Variants in AKR1C4 observed in about 807,000 individuals in gnomAD.
The protein encoded by AKR1C4 is aldo-keto reductase family 1 member C4, also known as 3-alpha-HSD1.
A neutral mutation model predicts 41.0 loss-of-function variants in AKR1C4; 44 were observed. That is an observed-to-expected ratio of 1.07 (90% CI 0.84 to 1.38). AKR1C4 has a LOEUF of 1.38. AKR1C4 is among the 40% of genes most tolerant of loss of function. AKR1C4 has a pLI of 0.00. For missense variants in AKR1C4, 438 were observed against 387.9 expected (o/e 1.13, Z -1.09); for synonymous variants, 165 against 137.7 (o/e 1.20, Z -1.39).
chr10:5,206,192 G>A (rs894961386), intron 4 of AKR1C4, 83 bp from the exon 5 acceptor site: 2 of 1,591,244 alleles, frequency 1.3e-6, no homozygotes, highest in Admixed American at 1.7e-5. Context: ...CTTAACAGTT[G>A]TTGCTTTAAC....
At chr10:5,213,267 C>G (rs1554798149) in intron 7 of AKR1C4, 108 bp downstream of exon 7, 4 of 1,498,482 alleles carry the variant, frequency 2.7e-6, no homozygotes, top group Non-Finnish European at 3.6e-6. Context: ...CTGGGCATTT[C>G]CTATGCACAA....
At chr10:5,218,227 A>G (rs984109549) in intron 8 of AKR1C4, among the ~76,000 whole-genome samples, 8 of 152,246 alleles carry the variant, frequency 5.3e-5, no homozygotes, top group Admixed American at 6.5e-5. Context: ...ACATGTCTGA[A>G]TCAAAGAAAA....
intron 2 of AKR1C4, among the ~76,000 whole-genome samples, chr10:5,202,112 G>T (rs1554796968): frequency 6.6e-6 from 1 of 151,808 alleles, no homozygotes; most frequent in East Asian, 1.9e-4. Context: ...ATATGAATTT[G>T]GAATATGGCC....
chr10:5,218,779 A>G lies in AKR1C4; in HGVS notation c.*19A>G. On this transcript the variant is annotated 3_prime_UTR_variant, in exon 9 of 9. Transcript: ENST00000263126. ...ATATTAGCATAGAGGGTGTTGCACGACATCTAGCAGAAGGCCCTGTGTGTG... is the reference window on the plus strand; with the variant it reads ...ATATTAGCATAGAGGGTGTTGCACGGCATCTAGCAGAAGGCCCTGTGTGTG... 1 of 1,598,886 alleles carries G rather than the reference A, an allele frequency of 6.3e-7. No homozygotes were observed. Among genetic ancestry groups the G allele is most frequent in the African/African-American group, 1.3e-5 (1 of 74,692 alleles).
intron 8 of AKR1C4, among the ~76,000 whole-genome samples, chr10:5,217,904 TTA>T (rs2132143811): frequency 6.6e-6 from 1 of 152,338 alleles, no homozygotes; most frequent in South Asian, 2.1e-4. Context: ...GCAAAACAAG[TTA>T]TGTCACTGCC....
intron 5 of AKR1C4, among the ~76,000 whole-genome samples, chr10:5,209,728 A>T (rs782098229): frequency 4.6e-5 from 7 of 152,192 alleles, no homozygotes; most frequent in Non-Finnish European, 1.0e-4. Context: ...AGACTTATTC[A>T]CTATCTCAAG....
At chr10:5,197,013 G>A in intron 1 of AKR1C4, 62 bp downstream of exon 1, 1 of 1,526,818 alleles carries the variant, frequency 6.5e-7, no homozygotes, top group Non-Finnish European at 9.1e-7. Flanking sequence ...AGTGAACGAT[G>A]ACCTGGGTTG....
rs1564401937 is a variant in AKR1C4 at position 5,205,897 on chromosome 10, C to A, written c.447+63C>A. 6.8e-6 allele frequency: 10 copies of A among 1,464,976 alleles called. No individual in the cohort carries two copies. The East Asian group carries it at 1.6e-4, about 24-fold the overall frequency. 90.7% of individuals were successfully genotyped at this position (1,464,976 alleles called of 1,614,324 possible). ...AAGAAGAGGTAAACCTGTTCCCCAGCTTTCATATGCAACATTGGAATATGC... is the reference window on the plus strand; with the variant it reads ...AAGAAGAGGTAAACCTGTTCCCCAGATTTCATATGCAACATTGGAATATGC... On this transcript the variant is annotated intron_variant, in intron 4 of 8. Coordinates refer to ENST00000263126, the MANE Select transcript of AKR1C4 (RefSeq NM_001818.5).
intron 2 of AKR1C4, among the ~76,000 whole-genome samples, chr10:5,202,952 T>C (rs1832424421): frequency 1.0e-5 from 1 of 96,576 alleles, no homozygotes; most frequent in Non-Finnish European, 2.4e-5. Context: ...TGTGTGTGTG[T>C]GTGTGTGTGT....
intron 5 of AKR1C4, among the ~76,000 whole-genome samples, chr10:5,210,606 ATT>A (rs3039090): frequency 0.057 from 8,204 of 144,540 alleles, 330 homozygotes; most frequent in African/African-American, 0.13. Context: ...CCAAACCTCA[ATT>A]TTTTTTTTTT....
In AKR1C4 at chr10:5,200,230, G is replaced by T; in HGVS notation, c.134G>T (p.Gly45Val). The T allele has an allele frequency of 6.2e-7, 1 of 1,614,180 alleles. No homozygotes were observed. The highest frequency in any genetic ancestry group is 8.5e-7 in the Non-Finnish European group (1 of 1,179,988). ...VEVTKLAIEA[G>V]FRHIDSAYLY... Reference sequence around the variant, plus strand: ...GTCACCAAATTAGCAATAGAAGCTGGCTTCCGCCATATTGATTCTGCTTAT... The same window carrying T: ...GTCACCAAATTAGCAATAGAAGCTGTCTTCCGCCATATTGATTCTGCTTAT... The change falls in exon 2 of 9, where the codon GGC becomes GTC. Residue 45 changes from glycine (G) to valine (V), a missense_variant. Coordinates refer to ENST00000263126, the MANE Select transcript of AKR1C4 (RefSeq NM_001818.5).
Position 5,206,524 on chromosome 10 carries a change from G to A in AKR1C4, c.570+127G>A, listed in dbSNP as rs1432202406. ...GAAGATTCTAGAAAGCAAAACATCT[G>A]TCTAGAAGAAAACGGAAGACCCTTA... is the stretch of plus-strand genomic sequence containing the variant. On this transcript the variant is annotated intron_variant, in intron 5 of 8. Coordinates refer to ENST00000263126, the MANE Select transcript of AKR1C4 (RefSeq NM_001818.5). 3 of 1,508,830 alleles carry A rather than the reference G, an allele frequency of 2.0e-6. No homozygotes were observed. The African/African-American group carries it at 4.2e-5, about 21-fold the overall frequency. 93.5% of individuals were successfully genotyped at this position (1,508,830 alleles called of 1,614,324 possible). A position where few individuals can be genotyped will look rare whatever the true frequency, so the allele number is the denominator to read the frequency against.
chr10:5,200,408 C>A, intron 2 of AKR1C4, 60 bp downstream of exon 2: 3 of 1,538,396 alleles, frequency 2.0e-6, no homozygotes, highest in South Asian at 1.3e-5. Context: ...GTGGAGATGA[C>A]AATTCTGTAA....
At position 5,213,055 on chromosome 10, in the gene AKR1C4, C is replaced by T. The variant is rs1554798112; in HGVS notation, c.742C>T (p.His248Tyr). Reference protein sequence around the residue: ...DPVLCALAKKHKQTPALIALR... With the variant: ...DPVLCALAKKYKQTPALIALR... ...AGTTCTTTGTGCCTTAGCAAAGAAA[C>T]ACAAACAAACCCCAGCCCTGATTGC... The change falls in exon 7 of 9, where the codon CAC becomes TAC. Residue 248 changes from histidine (H) to tyrosine (Y), a missense_variant. Transcript: ENST00000263126. The T allele has an allele frequency of 6.2e-7, 1 of 1,614,152 alleles. No individual in the cohort carries two copies. Among genetic ancestry groups the T allele is most frequent in the South Asian group, 1.1e-5 (1 of 91,078 alleles).
rs782250204 is a variant in AKR1C4, at chr10:5,212,571, T to C, written c.571-45T>C. On this transcript the variant is annotated intron_variant, in intron 5 of 8. Coordinates refer to ENST00000263126, the MANE Select transcript of AKR1C4 (RefSeq NM_001818.5). The stretch of plus-strand genomic sequence containing the variant: ...TTATTTTAATCTTTATATTAACATA[T>C]CTGTTTTGAATTATCTGATGCTTTT... 1.1e-5 allele frequency: 16 copies of C among 1,502,320 alleles called. No individual in the cohort carries two copies. In the South Asian group the frequency reaches 1.1e-4, roughly 10 times the overall value. 93.1% of individuals were successfully genotyped at this position (1,502,320 alleles called of 1,614,324 possible).
chr10:5,202,985 T>C (rs1554797100), intron 2 of AKR1C4, among the ~76,000 whole-genome samples: 1 of 130,622 alleles, frequency 7.7e-6, no homozygotes, highest in East Asian at 2.7e-4. Flanking sequence ...GTGTGTGTTA[T>C]GTCCTTTCCT....
At position 5,204,431 on chromosome 10, in the gene AKR1C4, C is replaced by T; in HGVS notation, c.307C>T (p.Leu103=). 4 of 1,614,004 alleles carry T rather than the reference C, an allele frequency of 2.5e-6. No homozygotes were observed. The highest frequency in any genetic ancestry group is 3.4e-6 in the Non-Finnish European group (4 of 1,179,900). Residue 103 remains leucine, a synonymous_variant, in exon 3 of 9, where the codon CTG becomes TTG. Transcript: ENST00000263126. ...GGTCCAACCAGCCTTGGAAAGCTCA[C>T]TGAAAAAACTTCAACTGGACTATGT... The part of the protein sequence containing the change: ...QMVQPALESS[L]KKLQLDYVDL...
chr10:5,212,592 C>G, intron 5 of AKR1C4, 24 bp from the exon 6 acceptor site: 2 of 1,580,320 alleles, frequency 1.3e-6, no homozygotes, highest in Non-Finnish European at 1.7e-6. Flanking sequence ...TTATCTGATG[C>G]TTTTCTCTCT....
At position 5,216,707 on chromosome 10, in the gene AKR1C4, G is replaced by C; in HGVS notation, c.847-4G>C. On this transcript the variant is annotated splice_region_variant and splice_polypyrimidine_tract_variant and intron_variant, in intron 7 of 8. Transcript: ENST00000263126. Reference sequence around the variant, plus strand: ...AGAATAAACATTTTCTACTTCTTTGGTAGGTTTTTGAATTCCAGTTGACAT... The same window carrying C: ...AGAATAAACATTTTCTACTTCTTTGCTAGGTTTTTGAATTCCAGTTGACAT... The C allele has an allele frequency of 1.2e-6, 2 of 1,604,286 alleles. No homozygotes were observed. Among genetic ancestry groups the C allele is most frequent in the Non-Finnish European group, 8.5e-7 (1 of 1,173,116 alleles).
Sources: allele counts gnomAD v4.1 joint callset (sites outside exome capture counted in the v4.1 genomes callset), GRCh38; gene constraint gnomAD v4.1.1; transcripts MANE v1.5; gene names NCBI Gene and HGNC (gene_info 2026-07-23, HGNC 2026-07-21).